Variants in GLYATL2 observed in about 807,000 individuals in gnomAD.
The protein encoded by GLYATL2 is glycine N-acyltransferase-like protein 2.
Under a neutral mutation model 21.4 loss-of-function variants are expected in GLYATL2, and 25 were observed. That is an observed-to-expected ratio of 1.17 (90% CI 0.85 to 1.63). GLYATL2 has a LOEUF of 1.63. Ranked by LOEUF, GLYATL2 falls within the 40% of genes most tolerant of loss-of-function variation. The pLI is 0.00. For missense variants in GLYATL2, 361 were observed against 343.3 expected (o/e 1.05, Z -0.41); for synonymous variants, 114 against 118.2 (o/e 0.96, Z 0.23).
chr11:58,841,063 A>G (rs995550649), intron 1 of GLYATL2, among the ~76,000 whole-genome samples: 6 of 152,058 alleles, frequency 3.9e-5, no homozygotes, highest in African/African-American at 1.2e-4. Context: ...TAAATATGTA[A>G]TACCTCATAT....
intron 1 of GLYATL2, among the ~76,000 whole-genome samples, chr11:58,881,257 G>A (rs1854328993): frequency 6.6e-6 from 1 of 152,126 alleles, no homozygotes; most frequent in African/African-American, 2.4e-5. Flanking sequence ...AAAACACTTT[G>A]AGGTTCTGAT....
chr11:58,860,055 T>A (rs1381497619), intron 1 of GLYATL2, among the ~76,000 whole-genome samples: 1 of 152,170 alleles, frequency 6.6e-6, no homozygotes, highest in Non-Finnish European at 1.5e-5. Context: ...TAGTGTGATA[T>A]CTGCAGCTTT....
chr11:58,871,040 A>G (rs1590736249), intron 1 of GLYATL2, among the ~76,000 whole-genome samples: 1 of 152,348 alleles, frequency 6.6e-6, no homozygotes, highest in East Asian at 1.9e-4. Flanking sequence ...TGAATAGGTA[A>G]AAAGATAGAT....
rs77128299 is a variant in GLYATL2 at position 58,892,735 on chromosome 11, A to G, written n.60+11421T>C. The G allele has an allele frequency of 2.5e-3, 892 of 350,526 alleles. 5 individuals carry two copies. The highest frequency in any genetic ancestry group is 0.018 in the African/African-American group (837 of 46,978). The allele number at this position is 350,526 out of a possible 1,614,324, so 21.7% of individuals were successfully genotyped here. ...AGTCAGTGAAGGTAGAGCATTCAAGAGCATTCCTCTGTATTATGGAAGATA... is the reference window on the plus strand; with the variant it reads ...AGTCAGTGAAGGTAGAGCATTCAAGGGCATTCCTCTGTATTATGGAAGATA... On this transcript the variant is annotated intron_variant and non_coding_transcript_variant, in intron 1 of 4. Coordinates refer to the GLYATL2 transcript ENST00000533636.
chr11:58,838,223 G>A (rs1853474912), intron 3 of GLYATL2, 38 bp downstream of exon 3: 4 of 1,332,706 alleles, frequency 3.0e-6, no homozygotes, highest in Non-Finnish European at 3.2e-6. Flanking sequence ...AACGTCTGGA[G>A]AGTGACTACC....
At chr11:58,847,363 C>T (rs1257391844), upstream of GLYATL2, among the ~76,000 whole-genome samples, 1 of 152,184 alleles carries the variant, frequency 6.6e-6, no homozygotes, top group Non-Finnish European at 1.5e-5. Context: ...GCCAGCACAG[C>T]CACAGCATGG....
chr11:58,864,271 A>G (rs1374113516), intron 1 of GLYATL2, among the ~76,000 whole-genome samples: 3 of 152,150 alleles, frequency 2.0e-5, no homozygotes, highest in East Asian at 1.9e-4. Flanking sequence ...GGAGGCCATC[A>G]TGATTCTGGG....
At chr11:58,873,390 T>A (rs1363687966) in intron 1 of GLYATL2, among the ~76,000 whole-genome samples, 1 of 152,190 alleles carries the variant, frequency 6.6e-6, no homozygotes, top group Non-Finnish European at 1.5e-5. Context: ...GCTTCCAGTT[T>A]TTGTCCTTTC....
At chr11:58,885,244 T>C (rs1854415210) in intron 1 of GLYATL2, among the ~76,000 whole-genome samples, 1 of 152,198 alleles carries the variant, frequency 6.6e-6, no homozygotes, top group African/African-American at 2.4e-5. Context: ...AGGACACCTA[T>C]CTGTGAGTTC....
At chr11:58,883,463 C>A (rs1854379562) in intron 1 of GLYATL2, among the ~76,000 whole-genome samples, 1 of 152,154 alleles carries the variant, frequency 6.6e-6, no homozygotes, top group African/African-American at 2.4e-5. Context: ...ACCTGAAAAT[C>A]TAGAAGAAAT....
chr11:58,848,927 G>A (rs1269081177), upstream of GLYATL2, among the ~76,000 whole-genome samples: 1 of 151,976 alleles, frequency 6.6e-6, no homozygotes, highest in Admixed American at 6.6e-5. Context: ...CAAAGGTCAA[G>A]GAGAAAGAAA....
Position 58,866,165 on chromosome 11 carries a change from CT to C in GLYATL2, n.61-27798del, listed in dbSNP as rs1392505848. On this transcript the variant is annotated intron_variant and non_coding_transcript_variant, in intron 1 of 4. Transcript: ENST00000533636. ...TCTCCATGAAGTACCTAAACATCCC[CT>C]TTCTTCCTCTGTAAAAGCTTCAAGA... Among the ~76,000 whole-genome samples the C allele has an allele frequency of 4.0e-5, 6 of 149,092 alleles. No individual in the cohort carries two copies. The Admixed American group carries it at 4.1e-4, about 10-fold the overall frequency.
At position 58,844,569 on chromosome 11, in the gene GLYATL2, G is replaced by A. The variant is rs747787845; in HGVS notation, c.-176C>T. The stretch of plus-strand genomic sequence containing the variant: ...AACTGACTCACGTTGTCACTGTTAA[G>A]CATAAAGCTTCAGGAAGTTATGGGT... On this transcript the variant is annotated 5_prime_UTR_variant, in exon 1 of 6. Transcript: ENST00000287275. 12 of 152,188 alleles carry A rather than the reference G, an allele frequency of 7.9e-5. No homozygotes were observed. Among genetic ancestry groups the A allele is most frequent in the Non-Finnish European group, 1.5e-4 (10 of 68,036 alleles). The allele number at this position is 152,188 out of a possible 1,614,324, so 9.4% of individuals were successfully genotyped here. A position where few individuals can be genotyped will look rare whatever the true frequency, so the allele number is the denominator to read the frequency against.
intron 1 of GLYATL2, among the ~76,000 whole-genome samples, chr11:58,857,161 T>A (rs1232637729): frequency 6.6e-6 from 1 of 152,224 alleles, no homozygotes; most frequent in Non-Finnish European, 1.5e-5. Flanking sequence ...GGTTCTCCTC[T>A]CCTCACATCC....
At chr11:58,842,476 CTGTGTGTG>C (rs34133004) in intron 1 of GLYATL2, among the ~76,000 whole-genome samples, 3,619 of 134,800 alleles carry the variant, frequency 0.027, 131 homozygotes, top group African/African-American at 0.09. Flanking sequence ...GAGTGAGACT[CTGTGTGTG>C]TGTGTGTGTG....
At chr11:58,847,496 A>T (rs78254416), upstream of GLYATL2, among the ~76,000 whole-genome samples, 5,163 of 152,274 alleles carry the variant, frequency 0.034, 134 homozygotes, top group Middle Eastern at 0.075. Flanking sequence ...CAGGCCAGGT[A>T]GACTTTACTA....
At position 58,894,305 on chromosome 11, in the gene GLYATL2, A is replaced by G. The variant is rs745858949; in HGVS notation, n.60+9851T>C. 3.3e-4 allele frequency among the ~76,000 whole-genome samples: 51 copies of G among 152,280 alleles called. No homozygotes were observed. The Middle Eastern group carries it at 0.01, about 30-fold the overall frequency. ...GCAGAAAATTCAGATGATGGAAAGG[A>G]CACGTGCCAAGCACTATCATAAGAA... On this transcript the variant is annotated intron_variant and non_coding_transcript_variant, in intron 1 of 4. Transcript: ENST00000533636.
At chr11:58,909,162 T>C (rs924184833), upstream of GLYATL2, among the ~76,000 whole-genome samples, 2 of 152,180 alleles carry the variant, frequency 1.3e-5, no homozygotes, top group Non-Finnish European at 2.9e-5. Flanking sequence ...AGCAGTGTCA[T>C]ATGAGACAGA....
At chr11:58,909,470 T>C in the GLYATL2 span, among the ~76,000 whole-genome samples, 1 of 152,178 alleles carries the variant, frequency 6.6e-6, no homozygotes, top group Non-Finnish European at 1.5e-5. Flanking sequence ...TAGATTCTGG[T>C]GATAATGTAT....
Sources: allele counts gnomAD v4.1 joint callset (sites outside exome capture counted in the v4.1 genomes callset), GRCh38; gene constraint gnomAD v4.1.1; transcripts MANE v1.5; gene names NCBI Gene and HGNC (gene_info 2026-07-23, HGNC 2026-07-21).